Variants in AEBP2 observed in about 807,000 individuals in gnomAD.
AEBP2 encodes the protein zinc finger protein AEBP2.
In AEBP2, 10 loss-of-function variants were observed where a neutral mutation model predicts 50.8. The ratio of observed to expected loss-of-function variants is 0.20; its 90% CI spans 0.12 to 0.33. The LOEUF (loss-of-function observed/expected upper bound fraction) is 0.33. AEBP2 is among the 10% of genes least tolerant of loss of function. The pLI, the probability that AEBP2 is intolerant of heterozygous loss-of-function variation, is 1.00. For synonymous variants in AEBP2, 296 were observed against 261.3 expected (o/e 1.13, Z -1.28); for missense variants, 570 against 688.0 (o/e 0.83, Z 1.92).
chr12:19,450,860 T>G (rs1007571807), intron 1 of AEBP2, among the ~76,000 whole-genome samples: 2 of 130,256 alleles, frequency 1.5e-5, no homozygotes, highest in Non-Finnish European at 3.1e-5. Context: ...AAAAGGGTCA[T>G]TTTTTTTTTT....
At position 19,518,103 on chromosome 12, in the gene AEBP2, A is replaced by T; in HGVS notation, c.1498A>T (p.Arg500Trp). 6.3e-7 allele frequency: 1 copy of T among 1,598,652 alleles called. No individual in the cohort carries two copies. The highest frequency in any genetic ancestry group is 8.5e-7 in the Non-Finnish European group (1 of 1,172,108). ...PNIYRTMPQK[R>W]LKR is the part of the protein sequence containing the mutation. The stretch of plus-strand genomic sequence containing the variant: ...TTTTTCTAGAACAATGCCGCAGAAG[A>T]GGTTGAAGAGGTAAAAAATAAATAA... The change falls in exon 8 of 8, where the codon AGG becomes TGG. Residue 500 changes from arginine (R) to tryptophan (W), a missense_variant. By Grantham distance (101) the Arg-to-Trp change is moderately radical. This residue lies in a region of AEBP2 where 184 missense variants were observed against 351.2 expected (regional missense o/e 0.52). Coordinates refer to ENST00000266508, the MANE Select transcript of AEBP2 (RefSeq NM_153207.5).
chr12:19,449,441 A>G (rs1227341294), intron 1 of AEBP2, among the ~76,000 whole-genome samples: 1 of 152,214 alleles, frequency 6.6e-6, no homozygotes, highest in African/African-American at 2.4e-5. Context: ...AAGTAATCTT[A>G]AAGGGTGATA....
chr12:19,502,752 G>T (rs755331274), intron 5 of AEBP2, among the ~76,000 whole-genome samples: 1 of 151,750 alleles, frequency 6.6e-6, no homozygotes, highest in Admixed American at 6.6e-5. Context: ...GGGTTCAAGC[G>T]ATTCTTGTGC....
upstream of AEBP2, among the ~76,000 whole-genome samples, chr12:19,438,367 CCATT>C (rs1418944675): frequency 1.3e-5 from 2 of 152,256 alleles, no homozygotes; most frequent in East Asian, 1.9e-4. Context: ...TAACAAAACT[CCATT>C]CATTCTCATC....
chr12:19,424,271 A>G (rs2095747327), intron 1 of AEBP2, among the ~76,000 whole-genome samples: 1 of 152,208 alleles, frequency 6.6e-6, no homozygotes, highest in East Asian at 1.9e-4. Flanking sequence ...AAAAGACTTG[A>G]TCATGCTCAT....
At position 19,518,209 on chromosome 12, in the gene AEBP2, C is replaced by T; in HGVS notation, c.*92C>T. On this transcript the variant is annotated 3_prime_UTR_variant, in exon 8 of 8. Coordinates refer to ENST00000266508, the MANE Select transcript of AEBP2 (RefSeq NM_153207.5). The stretch of plus-strand genomic sequence containing the variant: ...TTTAGGGAAAGTTGCACATTAGAGT[C>T]AACCCCTTCTTTTTTTTTTTTTTTT... 7.6e-7 allele frequency: 1 copy of T among 1,311,550 alleles called. No individual in the cohort carries two copies. The allele number at this position is 1,311,550 out of a possible 1,614,324, so 81.2% of individuals were successfully genotyped here.
At chr12:19,495,907 C>A (rs1948972855) in intron 4 of AEBP2, among the ~76,000 whole-genome samples, 1 of 152,062 alleles carries the variant, frequency 6.6e-6, no homozygotes, top group African/African-American at 2.4e-5. Flanking sequence ...TTTATGGTAC[C>A]ATTTTCATTT....
At chr12:19,431,212 G>A (rs2095751257) in intron 1 of AEBP2, among the ~76,000 whole-genome samples, 1 of 152,040 alleles carries the variant, frequency 6.6e-6, no homozygotes, top group Admixed American at 6.6e-5. Context: ...GCTTTATTTT[G>A]GCTGAAGGCC....
intron 1 of AEBP2, among the ~76,000 whole-genome samples, chr12:19,420,698 C>A (rs999218153): frequency 6.6e-6 from 1 of 152,112 alleles, no homozygotes; most frequent in South Asian, 2.1e-4. Context: ...ACTTCCCTTT[C>A]CATCCAATTT....
At chr12:19,452,586 G>A (rs560149107) in intron 1 of AEBP2, among the ~76,000 whole-genome samples, 45 of 151,984 alleles carry the variant, frequency 3.0e-4, no homozygotes, top group African/African-American at 9.6e-4. Flanking sequence ...GTCAAGCCTA[G>A]ACTAAATATT....
intron 5 of AEBP2, among the ~76,000 whole-genome samples, chr12:19,504,871 T>C (rs547272689): frequency 1.3e-5 from 2 of 152,324 alleles, no homozygotes; most frequent in Admixed American, 1.3e-4. Flanking sequence ...TTGTATATTT[T>C]AGAAATTAGA....
At chr12:19,466,287 A>G (rs1035962163) in intron 2 of AEBP2, among the ~76,000 whole-genome samples, 1 of 151,988 alleles carries the variant, frequency 6.6e-6, no homozygotes, top group South Asian at 2.1e-4. Context: ...CAACGTGACA[A>G]AATCCTGTCT....
At position 19,519,058 on chromosome 12, in the gene AEBP2, G is replaced by T; in HGVS notation, c.*941G>T. The T allele has an allele frequency of 6.2e-6, 1 of 160,258 alleles. No individual in the cohort carries two copies. The highest frequency in any genetic ancestry group is 1.4e-5 in the Non-Finnish European group (1 of 73,362). The allele number at this position is 160,258 out of a possible 1,614,324, so 9.9% of individuals were successfully genotyped here. A position where few individuals can be genotyped will look rare whatever the true frequency, so the allele number is the denominator to read the frequency against. On this transcript the variant is annotated 3_prime_UTR_variant, in exon 8 of 8. Transcript: ENST00000266508. ...CTGAATCTTTTATGCACCAAAGTTG[G>T]TCTTGAAAAGGAAAATAAAATCACT... is the stretch of plus-strand genomic sequence containing the variant.
In AEBP2 at chr12:19,518,221, T is replaced by C. The variant is rs566387706; in HGVS notation, c.*104T>C. 68 of 846,074 alleles carry C rather than the reference T, an allele frequency of 8.0e-5. No individual in the cohort carries two copies. The highest frequency in any genetic ancestry group is 3.5e-4 in the East Asian group (8 of 22,778). The allele number at this position is 846,074 out of a possible 1,614,324, so 52.4% of individuals were successfully genotyped here. ...TGCACATTAGAGTCAACCCCTTCTT[T>C]TTTTTTTTTTTTTTTTTAAATCCAG... On this transcript the variant is annotated 3_prime_UTR_variant, in exon 8 of 8. Transcript: ENST00000266508.
chr12:19,518,750 C>CT lies in AEBP2; in HGVS notation c.*634dup. ...CGTTTGCAATCAACTAAAAATTCGT[C>CT]TATCGAATTAGGGCTGAAAATTACT... On this transcript the variant is annotated 3_prime_UTR_variant, in exon 8 of 8. Transcript: ENST00000266508. 6.8e-7 allele frequency: 1 copy of CT among 1,480,958 alleles called. No homozygotes were observed. The highest frequency in any genetic ancestry group is 9.1e-7 in the Non-Finnish European group (1 of 1,095,762). The allele number at this position is 1,480,958 out of a possible 1,614,324, so 91.7% of individuals were successfully genotyped here.
chr12:19,470,632 AAC>A (rs1172497962), intron 2 of AEBP2, among the ~76,000 whole-genome samples: 1 of 152,206 alleles, frequency 6.6e-6, no homozygotes, highest in Non-Finnish European at 1.5e-5. Flanking sequence ...GTAGAGTCTA[AAC>A]CATACTTAAT....
chr12:19,423,275 A>G (rs1045091443), intron 1 of AEBP2, among the ~76,000 whole-genome samples: 1 of 152,016 alleles, frequency 6.6e-6, no homozygotes, highest in Non-Finnish European at 1.5e-5. Flanking sequence ...ATTTGATTTT[A>G]TATTGTTCAT....
At position 19,521,861 on chromosome 12, in the gene AEBP2, A is replaced by G. The variant is rs2120668386; in HGVS notation, c.*3744A>G. 6.6e-6 allele frequency: 1 copy of G among 152,264 alleles called. No individual in the cohort carries two copies. The highest frequency in any genetic ancestry group is 2.1e-4 in the South Asian group (1 of 4,832). The allele number at this position is 152,264 out of a possible 1,614,324, so 9.4% of individuals were successfully genotyped here. A position where few individuals can be genotyped will look rare whatever the true frequency, so the allele number is the denominator to read the frequency against. ...AAAATATAAAAATGAGAAAATATGT[A>G]TTAAAAATACTTGATAGAGGGTTTT... is the stretch of plus-strand genomic sequence containing the variant. On this transcript the variant is annotated 3_prime_UTR_variant, in exon 8 of 8. Coordinates refer to ENST00000266508, the MANE Select transcript of AEBP2 (RefSeq NM_153207.5).
chr12:19,488,577 GCCT>G (rs558037058), intron 3 of AEBP2, among the ~76,000 whole-genome samples: 173 of 152,052 alleles, frequency 1.1e-3, no homozygotes, highest in African/African-American at 4.1e-3. Context: ...CCTTTAGATC[GCCT>G]CCTCATTATT....
Sources: gnomAD v4.1 joint callset for allele counts (sites outside exome capture counted in the v4.1 genomes callset) on GRCh38, gnomAD v4.1.1 for gene constraint, gnomAD v4.1.1 regional missense constraint, MANE v1.5 for transcripts, NCBI Gene and HGNC (gene_info 2026-07-23, HGNC 2026-07-21) for gene names.